The following GJD4 variants were observed in gnomAD, a reference collection of about 807,000 sequenced individuals.
GJD4 encodes gap junction delta-4 protein.
Under a neutral mutation model 17.9 loss-of-function variants are expected in GJD4, and 18 were observed. The ratio of observed to expected loss-of-function variants is 1.00; its 90% confidence interval spans 0.69 to 1.49. The LOEUF is 1.49. GJD4 is among the 40% of genes most tolerant of loss of function. The pLI, the probability that GJD4 is intolerant of heterozygous loss-of-function variation, is 0.00. For synonymous variants in GJD4, 293 were observed against 236.8 expected, an observed-to-expected ratio of 1.24 and a Z score of -2.18; for missense variants, 639 against 506.9, an observed-to-expected ratio of 1.26 and a Z score of -2.50.
intron 1 of GJD4, 105 bp downstream of exon 1, chr10:35,605,736 CA>C (rs1588696896): frequency 1.1e-6 from 1 of 907,270 alleles, no homozygotes; most frequent in Non-Finnish European, 1.8e-6. Context: ...TTTCAGTGTG[CA>C]AGCACCAAGC....
chr10:35,606,922 C>T (rs1388116672), intron 1 of GJD4: 1 of 152,142 alleles, frequency 6.6e-6, no homozygotes, highest in Admixed American at 6.5e-5. Flanking sequence ...AATTCAATTT[C>T]AAGGGCCGTA....
chr10:35,607,478 G>A lies in GJD4; in HGVS notation c.65-100G>A, dbSNP rs1412192547. On this transcript the variant is annotated intron_variant, in intron 1 of 1. Transcript: ENST00000321660. The stretch of plus-strand genomic sequence containing the variant: ...GAAAACTAAAGACATGCTTATTGAC[G>A]TTTCAATTTCCCAATCTCAGCCCCA... The A allele has an allele frequency of 1.5e-5, 11 of 756,642 alleles. No homozygotes were observed. The Admixed American group carries it at 1.5e-4, about 10-fold the overall frequency. The allele number at this position is 756,642 out of a possible 1,614,324, so 46.9% of individuals were successfully genotyped here. A position where few individuals can be genotyped will look rare whatever the true frequency, so the allele number is the denominator to read the frequency against.
rs757334208 is a variant in GJD4, at chr10:35,608,126, A to G, written c.613A>G (p.Ser205Gly). ...SLLMLFLWAV[S>G]ALSFLLGLAD... Reference sequence around the variant, plus strand: ...GCTGATGCTGTTCCTCTGGGCGGTCAGCGCGCTGTCTTTTCTGCTGGGCCT... The same window carrying G: ...GCTGATGCTGTTCCTCTGGGCGGTCGGCGCGCTGTCTTTTCTGCTGGGCCT... The change falls in exon 2 of 2, where the codon AGC (serine) becomes GGC (glycine). Residue 205 changes from serine (S) to glycine (G), a missense_variant. Physicochemically the swap from Ser to Gly is moderately conservative, Grantham distance 56 (BLOSUM62 0). Transcript: ENST00000321660. The G allele has an allele frequency of 6.2e-7, 1 of 1,609,392 alleles. No homozygotes were observed. Among genetic ancestry groups the G allele is most frequent in the Non-Finnish European group, 8.5e-7 (1 of 1,178,752 alleles).
At chr10:35,607,375 CA>C (rs1835468338) in intron 1 of GJD4, 1 of 585,940 alleles carries the variant, frequency 1.7e-6, no homozygotes, top group Non-Finnish European at 3.0e-6. Flanking sequence ...CACTTGAGGC[CA>C]GGAGTTCAAG....
rs1479627777 is a variant in GJD4 at position 35,607,947 on chromosome 10, TCCA to T, written c.437_439del (p.His146del). On this transcript the variant is annotated inframe_deletion, in exon 2 of 2. Coordinates refer to ENST00000321660, the MANE Select transcript of GJD4 (RefSeq NM_153368.3). ...CCCGACTTTTCGGCCGGCTACATCA[TCCA>T]CCTCCTCCTCCGGACCCTGCTGGAG... The T allele has an allele frequency of 1.9e-6, 3 of 1,609,338 alleles. No individual in the cohort carries two copies. The highest frequency in any genetic ancestry group is 2.5e-6 in the Non-Finnish European group (3 of 1,179,202).
At position 35,608,075 on chromosome 10, in the gene GJD4, G is replaced by A. The variant is rs368902279; in HGVS notation, c.562G>A (p.Val188Met). 25 of 1,609,152 alleles carry A rather than the reference G, an allele frequency of 1.6e-5. No individual in the cohort carries two copies. The highest frequency in any genetic ancestry group is 4.5e-5 in the East Asian group (2 of 44,756). The change falls in exon 2 of 2, where the codon GTG becomes ATG. Residue 188 changes from valine (V) to methionine (M), a missense_variant. Transcript: ENST00000321660. ...GTGCACGGGCGTGGTGGACTGCTAC[G>A]TGTCGCGGCCCACAGAGAAGTCCCT... is the stretch of plus-strand genomic sequence containing the variant. Reference protein sequence around the residue: ...PPCTGVVDCYVSRPTEKSLLM... With the variant: ...PPCTGVVDCYMSRPTEKSLLM...
chr10:35,606,372 A>G (rs1463107916), intron 1 of GJD4: 1 of 152,104 alleles, frequency 6.6e-6, no homozygotes, highest in Non-Finnish European at 1.5e-5. Flanking sequence ...AGGAGTAGCC[A>G]TTTCTCTTGT....
chr10:35,607,441 C>T (rs929098544), intron 1 of GJD4, 137 bp from the exon 2 acceptor site: 6 of 672,238 alleles, frequency 8.9e-6, no homozygotes, highest in Non-Finnish European at 1.3e-5. Context: ...ACAACGACAA[C>T]ACAAACAAAC....
intron 1 of GJD4, chr10:35,607,286 C>CTCT (rs1835466991): frequency 6.4e-6 from 3 of 465,638 alleles, no homozygotes; most frequent in Non-Finnish European, 3.9e-6. Context: ...CTACCTGATG[C>CTCT]TGTGAGTAAA....
At chr10:35,607,550 G>T in intron 1 of GJD4, 28 bp from the exon 2 acceptor site, 1 of 1,547,124 alleles carries the variant, frequency 6.5e-7, no homozygotes. Flanking sequence ...TCGGGGTGAT[G>T]AGGCCATGCC....
rs774864727 is a variant in GJD4, at chr10:35,605,567, C to T, written c.-1C>T. ...CCTGGAGCCTGGGACATTCTGGAAG[C>T]ATGGAAGGCGTGGACTTGCTAGGGT... On this transcript the variant is annotated 5_prime_UTR_variant, in exon 1 of 2. Coordinates refer to ENST00000321660, the MANE Select transcript of GJD4 (RefSeq NM_153368.3). 6.2e-7 allele frequency: 1 copy of T among 1,613,558 alleles called. No individual in the cohort carries two copies. Among genetic ancestry groups the T allele is most frequent in the Non-Finnish European group, 8.5e-7 (1 of 1,179,458 alleles).
chr10:35,607,339 T>C, intron 1 of GJD4: 1 of 551,296 alleles, frequency 1.8e-6, no homozygotes, highest in Non-Finnish European at 3.2e-6. Flanking sequence ...TAATCCCAGC[T>C]ACTCAAGAGG....
chr10:35,608,593 C>A lies in GJD4; in HGVS notation c.1080C>A (p.Pro360=). ...PDPPASSSGA[P]HLRARKSEWV ...CGCCTGCCAGCTCCAGTGGTGCTCC[C>A]CACCTGAGAGCCAGGAAGTCTGAGT... The change falls in exon 2 of 2, where the codon CCC becomes CCA. Residue 360 remains proline (P), a synonymous_variant. Transcript: ENST00000321660. 2 of 1,526,416 alleles carry A rather than the reference C, an allele frequency of 1.3e-6. No individual in the cohort carries two copies. Among genetic ancestry groups the A allele is most frequent in the East Asian group, 2.3e-5 (1 of 42,882 alleles). The allele number at this position is 1,526,416 out of a possible 1,614,324, so 94.6% of individuals were successfully genotyped here. A position where few individuals can be genotyped will look rare whatever the true frequency, so the allele number is the denominator to read the frequency against.
Position 35,608,557 on chromosome 10 carries a change from G to A in GJD4, c.1044G>A (p.Gln348=), listed in dbSNP as rs565706094. ...LAAPPSCSSL[Q]PPDPPASSSG... is the part of the protein sequence containing the mutation. ...CGCCCCCTTCCTGCAGCAGCCTGCAGCCCCCTGACCCGCCTGCCAGCTCCA... is the reference window on the plus strand; with the variant it reads ...CGCCCCCTTCCTGCAGCAGCCTGCAACCCCCTGACCCGCCTGCCAGCTCCA... Residue 348 remains glutamine (Q), a synonymous_variant, in exon 2 of 2, where the codon CAG becomes CAA. Transcript: ENST00000321660. 3.2e-6 allele frequency: 5 copies of A among 1,561,486 alleles called. No homozygotes were observed. In the African/African-American group the frequency reaches 6.8e-5, roughly 21 times the overall value.
At position 35,607,745 on chromosome 10, in the gene GJD4, T is replaced by C. The variant is rs753104515; in HGVS notation, c.232T>C (p.Trp78Arg). ...VFSPVSHLRF[W>R]LIQGVCVLLP... ...CTCCCCCGTGTCTCACCTGCGGTTC[T>C]GGCTGATCCAGGGCGTGTGCGTCCT... Residue 78 changes from tryptophan (W) to arginine (R), a missense_variant, in exon 2 of 2, where the codon TGG (tryptophan) becomes CGG (arginine). Coordinates refer to ENST00000321660, the MANE Select transcript of GJD4 (RefSeq NM_153368.3). 3 of 1,613,318 alleles carry C rather than the reference T, an allele frequency of 1.9e-6. No individual in the cohort carries two copies. Among genetic ancestry groups the C allele is most frequent in the Non-Finnish European group, 2.5e-6 (3 of 1,180,024 alleles).
rs760289637 is a variant in GJD4 at position 35,607,937 on chromosome 10, G to A, written c.424G>A (p.Gly142Ser). The change falls in exon 2 of 2, where the codon GGC becomes AGC. Residue 142 changes from glycine to serine, a missense_variant. Coordinates refer to ENST00000321660, the MANE Select transcript of GJD4 (RefSeq NM_153368.3). ...CCTCCAGGTGCCCGACTTTTCGGCCGGCTACATCATCCACCTCCTCCTCCG... is the reference window on the plus strand; with the variant it reads ...CCTCCAGGTGCCCGACTTTTCGGCCAGCTACATCATCCACCTCCTCCTCCG... ...GGLQVPDFSA[G>S]YIIHLLLRTL... The A allele has an allele frequency of 6.2e-6, 10 of 1,607,774 alleles. No individual in the cohort carries two copies. Among genetic ancestry groups the A allele is most frequent in the Non-Finnish European group, 8.5e-6 (10 of 1,178,948 alleles).
At position 35,607,854 on chromosome 10, in the gene GJD4, C is replaced by G. The variant is rs1479102877; in HGVS notation, c.341C>G (p.Pro114Arg). The G allele has an allele frequency of 1.3e-6, 2 of 1,599,246 alleles. No homozygotes were observed. Among genetic ancestry groups the G allele is most frequent in the South Asian group, 1.1e-5 (1 of 90,812 alleles). Residue 114 changes from proline to arginine, a missense_variant, in exon 2 of 2, where the codon CCC becomes CGC. Coordinates refer to ENST00000321660, the MANE Select transcript of GJD4 (RefSeq NM_153368.3). ...AALGPRRCPD[P>R]REPASGQRRC... The stretch of plus-strand genomic sequence containing the variant: ...CTGGGCCCCCGCCGCTGCCCCGACC[C>G]CCGGGAGCCGGCCTCCGGGCAGAGA...
Position 35,606,589 on chromosome 10 carries a change from G to C in GJD4, c.64+958G>C, listed in dbSNP as rs1835456646. On this transcript the variant is annotated intron_variant, in intron 1 of 1. Coordinates refer to ENST00000321660, the MANE Select transcript of GJD4 (RefSeq NM_153368.3). ...CTTGATGTTAAAAGTTCAACTCAATGACTCATCACATAATGATATTATTCT... is the reference window on the plus strand; with the variant it reads ...CTTGATGTTAAAAGTTCAACTCAATCACTCATCACATAATGATATTATTCT... 8 of 152,248 alleles carry C rather than the reference G, an allele frequency of 5.3e-5. No individual in the cohort carries two copies. The South Asian group carries it at 1.7e-3, about 32-fold the overall frequency. 9.4% of individuals were successfully genotyped at this position (152,248 alleles called of 1,614,324 possible).
In GJD4 at chr10:35,605,505, C is replaced by A; in HGVS notation, c.-63C>A. 1 of 1,281,082 alleles carries A rather than the reference C, an allele frequency of 7.8e-7. No individual in the cohort carries two copies. Among genetic ancestry groups the A allele is most frequent in the Non-Finnish European group, 1.1e-6 (1 of 876,374 alleles). 79.4% of individuals were successfully genotyped at this position (1,281,082 alleles called of 1,614,324 possible). On this transcript the variant is annotated 5_prime_UTR_variant, in exon 1 of 2. Coordinates refer to ENST00000321660, the MANE Select transcript of GJD4 (RefSeq NM_153368.3). ...ATGTAGTTAAAGGACATTTATCCGC[C>A]TCCTTGGAGAACACAGCCCTCCAGT...
Sources: gnomAD v4.1 joint callset for allele counts on GRCh38, gnomAD v4.1.1 for gene constraint, MANE v1.5 for transcripts, NCBI Gene and HGNC (gene_info 2026-07-23, HGNC 2026-07-21) for gene names.